ZRANB3: variants seen among roughly 807,000 people sequenced by gnomAD.
The protein encoded by ZRANB3 is zinc finger RANBP2-type containing 3, also known as DNA annealing helicase and endonuclease ZRANB3.
In ZRANB3, 125 loss-of-function variants were observed where a neutral mutation model predicts 133.8. The ratio of observed to expected loss-of-function variants is 0.93; its 90% CI spans 0.81 to 1.08. ZRANB3 has a LOEUF of 1.08. Ranked by LOEUF, ZRANB3 falls within the 50% of genes least tolerant of loss-of-function variation. The pLI, the probability that ZRANB3 is intolerant of heterozygous loss-of-function variation, is 0.00. For missense variants in ZRANB3, 1,229 were observed against 1,275.5 expected, an observed-to-expected ratio of 0.96 and a Z score of 0.56; for synonymous variants, 387 against 432.7, an observed-to-expected ratio of 0.89 and a Z score of 1.31.
intron 2 of ZRANB3, among the ~76,000 whole-genome samples, chr2:135,400,553 C>G (rs796097003): frequency 6.6e-6 from 1 of 152,150 alleles, no homozygotes; most frequent in Non-Finnish European, 1.5e-5. Context: ...GATCTGTCCA[C>G]CTTGGCTTCA....
rs187602425 is a variant in ZRANB3, at chr2:135,220,567, G to A, written c.2251-1389C>T. Among the ~76,000 whole-genome samples, 589 of 151,396 alleles carry A rather than the reference G, an allele frequency of 3.9e-3. 1 individual carries two copies. Among genetic ancestry groups the A allele is most frequent in the African/African-American group, 0.011 (435 of 41,312 alleles). ...ATAAAAATTAGCTGGGCATGGTGGC[G>A]TGCACCTGTAATCCCAGCTACTCCG... On this transcript the variant is annotated intron_variant, in intron 15 of 20. Transcript: ENST00000264159.
chr2:135,364,158 G>C (rs925085341), intron 3 of ZRANB3, among the ~76,000 whole-genome samples: 1 of 151,322 alleles, frequency 6.6e-6, no homozygotes, highest in African/African-American at 2.4e-5. Flanking sequence ...AGGAAGGAAG[G>C]GGCAAGCAAA....
At chr2:135,374,224 T>C (rs1227673926) in intron 3 of ZRANB3, among the ~76,000 whole-genome samples, 3 of 152,026 alleles carry the variant, frequency 2.0e-5, no homozygotes, top group Non-Finnish European at 4.4e-5. Flanking sequence ...CTAGCGAACA[T>C]GCGAAATCCC....
chr2:135,345,622 AT>A lies in ZRANB3; in HGVS notation c.604del (p.Ile202LeufsTer48), dbSNP rs1684883889. ...AAATTTTTGTGGAAAGAGAGCTTCA[AT>A]CTGCATAAAAAGCTATAATAATACA... ...LGRPEELFMQ[I>X]EALFPQKFGR... On this transcript the variant is annotated frameshift_variant, in exon 6 of 21. Coordinates refer to ENST00000264159, the MANE Select transcript of ZRANB3 (RefSeq NM_032143.4). LOFTEE classifies it high-confidence loss of function. The A allele has an allele frequency of 6.2e-7, 1 of 1,609,950 alleles. No individual in the cohort carries two copies. Among genetic ancestry groups the A allele is most frequent in the South Asian group, 1.1e-5 (1 of 90,468 alleles).
At chr2:135,399,681 CTA>C (rs1687652252) in intron 2 of ZRANB3, among the ~76,000 whole-genome samples, 1 of 152,058 alleles carries the variant, frequency 6.6e-6, no homozygotes, top group African/African-American at 2.4e-5. Flanking sequence ...GCTTAGTATT[CTA>C]TGTTTTTCAC....
At chr2:135,525,462 G>A (rs1003367884) in intron 1 of ZRANB3, among the ~76,000 whole-genome samples, 1 of 152,170 alleles carries the variant, frequency 6.6e-6, no homozygotes, top group Non-Finnish European at 1.5e-5. Flanking sequence ...GATAATCAGG[G>A]AAGCATACAA....
intron 20 of ZRANB3, 32 bp downstream of exon 20, chr2:135,202,800 T>C (rs892463102): frequency 6.3e-7 from 1 of 1,579,902 alleles, no homozygotes; most frequent in African/African-American, 1.3e-5. Context: ...CTTCTCAGGA[T>C]GCAGTCAAAG....
chr2:135,370,040 T>C (rs967796275), intron 3 of ZRANB3, among the ~76,000 whole-genome samples: 2 of 150,982 alleles, frequency 1.3e-5, no homozygotes, highest in African/African-American at 4.9e-5. Context: ...TTTCTTTTTT[T>C]TTTTTTTTTT....
At chr2:135,267,390 C>A (rs1349360471) in intron 11 of ZRANB3, among the ~76,000 whole-genome samples, 1 of 152,026 alleles carries the variant, frequency 6.6e-6, no homozygotes, top group Non-Finnish European at 1.5e-5. Flanking sequence ...CCATTAATCC[C>A]TCAATCCATG....
At chr2:135,491,922 A>C (rs1258215035) in intron 2 of ZRANB3, among the ~76,000 whole-genome samples, 1 of 152,212 alleles carries the variant, frequency 6.6e-6, no homozygotes, top group Non-Finnish European at 1.5e-5. Flanking sequence ...AGAGAGGGAG[A>C]AAAAGGCAAT....
intron 8 of ZRANB3, among the ~76,000 whole-genome samples, chr2:135,279,247 A>G (rs1680985461): frequency 6.6e-6 from 1 of 152,228 alleles, no homozygotes; most frequent in African/African-American, 2.4e-5. Context: ...ATACCTACTT[A>G]AAATTCATAC....
At chr2:135,247,210 G>T (rs1695837270) in intron 12 of ZRANB3, among the ~76,000 whole-genome samples, 1 of 152,190 alleles carries the variant, frequency 6.6e-6, no homozygotes, top group East Asian at 1.9e-4. Context: ...GAGGATTGAT[G>T]ATTGGAACTG....
At chr2:135,223,328 A>G (rs924667575) in intron 15 of ZRANB3, among the ~76,000 whole-genome samples, 18 of 151,736 alleles carry the variant, frequency 1.2e-4, no homozygotes, top group Non-Finnish European at 1.3e-4. Context: ...AATGAAAAAA[A>G]CATTTTTTTT....
intron 2 of ZRANB3, among the ~76,000 whole-genome samples, chr2:135,416,073 C>A (rs1035452354): frequency 3.3e-5 from 5 of 152,046 alleles, no homozygotes; most frequent in African/African-American, 1.2e-4. Flanking sequence ...TCGCTCATCA[C>A]TCCTATTCAA....
intron 2 of ZRANB3, among the ~76,000 whole-genome samples, chr2:135,420,726 A>G (rs893137997): frequency 6.6e-6 from 1 of 152,156 alleles, no homozygotes; most frequent in African/African-American, 2.4e-5. Flanking sequence ...AAATTCTCGG[A>G]ATAATCAAAA....
intron 3 of ZRANB3, among the ~76,000 whole-genome samples, chr2:135,385,277 C>A (rs2104918461): frequency 6.6e-6 from 1 of 152,298 alleles, no homozygotes; most frequent in East Asian, 1.9e-4. Flanking sequence ...AGGAATCCAA[C>A]TTACAAGGGA....
chr2:135,443,224 G>A (rs1007104730), intron 2 of ZRANB3, among the ~76,000 whole-genome samples: 5 of 152,054 alleles, frequency 3.3e-5, no homozygotes, highest in South Asian at 2.1e-4. Flanking sequence ...GTCCTTTACA[G>A]GGACATGGAA....
chr2:135,400,512 G>A (rs13417269), intron 2 of ZRANB3, among the ~76,000 whole-genome samples: 24 of 152,108 alleles, frequency 1.6e-4, no homozygotes, highest in African/African-American at 5.8e-4. Context: ...TCACCATGTT[G>A]GCCAGGCTGG....
At chr2:135,463,725 G>A (rs1193225813) in intron 2 of ZRANB3, among the ~76,000 whole-genome samples, 1 of 152,126 alleles carries the variant, frequency 6.6e-6, no homozygotes, top group African/African-American at 2.4e-5. Context: ...TCACCTTTAG[G>A]TCTTACTTAA....
Sources: gnomAD v4.1 joint callset for allele counts (sites outside exome capture counted in the v4.1 genomes callset) on GRCh38, gnomAD v4.1.1 for gene constraint, MANE v1.5 for transcripts, NCBI Gene and HGNC (gene_info 2026-07-23, HGNC 2026-07-21) for gene names.